Variants in CDH22 observed in about 807,000 individuals in gnomAD.
CDH22 encodes cadherin-22.
A neutral mutation model predicts 58.4 loss-of-function variants in CDH22; 30 were observed. That is an observed-to-expected ratio of 0.51 (90% confidence interval 0.38 to 0.70). CDH22 has a LOEUF of 0.70. Among genes scored for constraint, CDH22 ranks in the 30% least tolerant of loss-of-function variants. CDH22 has a pLI of 0.00. For synonymous variants in CDH22, 513 were observed against 558.2 expected (o/e 0.92, Z 1.14); for missense variants, 1,014 against 1,233.9 (o/e 0.82, Z 2.67).
chr20:46,260,909 G>A (rs1324395009), intron 1 of CDH22, among the ~76,000 whole-genome samples: 1 of 152,216 alleles, frequency 6.6e-6, no homozygotes, highest in Admixed American at 6.5e-5. Context: ...AAGTGGGGCT[G>A]CACAGAGCGA....
At chr20:46,266,862 C>T (rs2086462593) in intron 1 of CDH22, among the ~76,000 whole-genome samples, 1 of 151,148 alleles carries the variant, frequency 6.6e-6, no homozygotes, top group Non-Finnish European at 1.5e-5. Flanking sequence ...TCTGGAGCCC[C>T]AGATTCAGTA....
chr20:46,305,708 C>T (rs915027874), intron 1 of CDH22, among the ~76,000 whole-genome samples: 3 of 152,104 alleles, frequency 2.0e-5, no homozygotes, highest in Non-Finnish European at 4.4e-5. Context: ...GGGGGAAGAA[C>T]AGAGAGAGAG....
intron 10 of CDH22, among the ~76,000 whole-genome samples, chr20:46,181,070 C>A (rs1333236395): frequency 6.6e-6 from 1 of 152,098 alleles, no homozygotes; most frequent in African/African-American, 2.4e-5. Context: ...GCCACCATGA[C>A]TGGCCTCCAT....
In CDH22 at chr20:46,251,049, A is replaced by G; in HGVS notation, c.246T>C (p.Tyr82=). Reference sequence around the variant, plus strand: ...TGGGGCCCCACTTTACCTTGCCCACATACAGGGGCTCCGTGCCCGTGTACT... The same window carrying G: ...TGGGGCCCCACTTTACCTTGCCCACGTACAGGGGCTCCGTGCCCGTGTACT... ...VEEYTGTEPL[Y]VGKIHSDSDE... Residue 82 remains tyrosine (Y), a synonymous_variant, in exon 2 of 12, where the codon TAT becomes TAC. Coordinates refer to ENST00000537909, the MANE Select transcript of CDH22 (RefSeq NM_021248.3). This position sits in a 1 kb window ranked among gnomAD's most constrained non-coding sequence, Gnocchi z 6.7. 6.2e-7 allele frequency: 1 copy of G among 1,609,306 alleles called. No individual in the cohort carries two copies. The highest frequency in any genetic ancestry group is 1.7e-5 in the Admixed American group (1 of 59,914).
intron 1 of CDH22, among the ~76,000 whole-genome samples, chr20:46,277,691 A>G (rs1054238938): frequency 2.0e-5 from 3 of 151,916 alleles, no homozygotes; most frequent in African/African-American, 7.3e-5. Flanking sequence ...CAGTGCTGAT[A>G]AGAGACCAAG....
intron 3 of CDH22, among the ~76,000 whole-genome samples, chr20:46,228,340 C>G (rs571588999): frequency 6.6e-6 from 1 of 152,344 alleles, no homozygotes; most frequent in South Asian, 2.1e-4. Context: ...AGCCCACCCC[C>G]AGACACACAC....
rs2086082327 is a variant in CDH22 at position 46,216,003 on chromosome 20, C to T, written c.838+823G>A. ...GGCCACAATGATGCTGCGCTCTCAGCTAAGGGATTGGATTCCCTTATCTCT... is the reference window on the plus strand; with the variant it reads ...GGCCACAATGATGCTGCGCTCTCAGTTAAGGGATTGGATTCCCTTATCTCT... On this transcript the variant is annotated intron_variant, in intron 5 of 11. Coordinates refer to ENST00000537909, the MANE Select transcript of CDH22 (RefSeq NM_021248.3). This position sits in a 1 kb window ranked among gnomAD's most constrained non-coding sequence, Gnocchi z 5.3. Among the ~76,000 whole-genome samples, 1 of 151,924 alleles carries T rather than the reference C, an allele frequency of 6.6e-6. No homozygotes were observed. Among genetic ancestry groups the T allele is most frequent in the Non-Finnish European group, 1.5e-5 (1 of 68,014 alleles).
chr20:46,272,705 T>C (rs1055184521), intron 1 of CDH22, among the ~76,000 whole-genome samples: 4 of 152,108 alleles, frequency 2.6e-5, no homozygotes, highest in Admixed American at 2.0e-4. Flanking sequence ...CTAGCAGAGA[T>C]TGTTAGTATC....
chr20:46,236,692 T>TAG (rs74174558), intron 3 of CDH22, among the ~76,000 whole-genome samples: 43,722 of 143,922 alleles, frequency 0.3, 7,359 homozygotes, highest in African/African-American at 0.48. Flanking sequence ...TATATATACA[T>TAG]AGAGAGAGAG....
intron 7 of CDH22, among the ~76,000 whole-genome samples, chr20:46,203,536 T>C (rs1478637398): frequency 5.3e-5 from 8 of 152,222 alleles, no homozygotes; most frequent in South Asian, 2.1e-4. Context: ...CAGGTCTGCA[T>C]TGCCCCCAGG....
intron 1 of CDH22, among the ~76,000 whole-genome samples, chr20:46,304,328 C>T (rs2086665274): frequency 6.6e-6 from 1 of 152,216 alleles, no homozygotes; most frequent in Non-Finnish European, 1.5e-5. Context: ...ATGGGGTGTC[C>T]TATGTGCCAG....
chr20:46,306,727 TG>T (rs1297965908), intron 1 of CDH22, among the ~76,000 whole-genome samples: 1 of 151,008 alleles, frequency 6.6e-6, no homozygotes, highest in Non-Finnish European at 1.5e-5. Context: ...GGGTCGGGGT[TG>T]GGGGGGACGA....
chr20:46,201,115 G>A (rs1237510845), intron 7 of CDH22, among the ~76,000 whole-genome samples: 2 of 152,220 alleles, frequency 1.3e-5, no homozygotes, highest in East Asian at 1.9e-4. Flanking sequence ...CGCCAGCTCC[G>A]GCCTCCGCTT....
intron 1 of CDH22, among the ~76,000 whole-genome samples, chr20:46,307,654 G>A (rs1329104122): frequency 2.0e-5 from 3 of 152,118 alleles, no homozygotes; most frequent in Non-Finnish European, 4.4e-5. Flanking sequence ...GGCTCAGAGG[G>A]GACCAGAACC....
intron 4 of CDH22, among the ~76,000 whole-genome samples, chr20:46,221,514 T>C (rs1236760372): frequency 6.6e-6 from 1 of 152,102 alleles, no homozygotes; most frequent in Non-Finnish European, 1.5e-5. Flanking sequence ...TACATAGCAG[T>C]CTCAGGACTG....
At chr20:46,303,895 C>A (rs1182563209) in intron 1 of CDH22, among the ~76,000 whole-genome samples, 1 of 152,164 alleles carries the variant, frequency 6.6e-6, no homozygotes, top group Non-Finnish European at 1.5e-5. Flanking sequence ...GCTCTGGTTG[C>A]CGCAGGGGTT....
chr20:46,231,727 C>T (rs1307276552), intron 3 of CDH22, among the ~76,000 whole-genome samples: 1 of 152,182 alleles, frequency 6.6e-6, no homozygotes, highest in Non-Finnish European at 1.5e-5. Context: ...CATGAGAAGT[C>T]GGACACTCTT....
chr20:46,307,408 C>G (rs1373923537), intron 1 of CDH22, among the ~76,000 whole-genome samples: 1 of 152,178 alleles, frequency 6.6e-6, no homozygotes, highest in Non-Finnish European at 1.5e-5. Flanking sequence ...CCACGCAGTC[C>G]ACTCTTCACA....
Position 46,251,460 on chromosome 20 carries a change from C to T in CDH22, c.-166G>A, listed in dbSNP as rs540198890. On this transcript the variant is annotated 5_prime_UTR_variant, in exon 2 of 12. Transcript: ENST00000537909. The surrounding 1 kb of genome is among the most constrained non-coding windows in gnomAD (Gnocchi z 6.7). ...CGGACGGGCCCGCGGCCCTGAACGC[C>T]GCCCAGCCGCGGGGGTACCCGGCTG... The T allele has an allele frequency of 4.2e-6, 3 of 715,436 alleles. No individual in the cohort carries two copies. Among genetic ancestry groups the T allele is most frequent in the South Asian group, 5.0e-5 (1 of 20,016 alleles). The allele number at this position is 715,436 out of a possible 1,614,324, so 44.3% of individuals were successfully genotyped here.
Sources: gnomAD v4.1 joint callset for allele counts (sites outside exome capture counted in the v4.1 genomes callset) on GRCh38, gnomAD v4.1.1 for gene constraint, Gnocchi (gnomAD v3.1) non-coding constraint, MANE v1.5 for transcripts, NCBI Gene and HGNC (gene_info 2026-07-23, HGNC 2026-07-21) for gene names.